The following CRIP3 variants were observed in gnomAD, a reference collection of about 807,000 sequenced individuals.
CRIP3 encodes cysteine-rich protein 3.
CRIP3 carries 23 observed loss-of-function variants against 30.3 expected under a neutral mutation model. The observed-to-expected ratio is 0.76, with a 90% confidence interval of 0.55 to 1.08. The LOEUF (loss-of-function observed/expected upper bound fraction) is 1.08. Ranked by LOEUF, CRIP3 falls within the 50% of genes least tolerant of loss-of-function variation. CRIP3 has a pLI of 0.00. For missense variants in CRIP3, 261 were observed against 259.3 expected, an observed-to-expected ratio of 1.01 and a Z score of -0.04; for synonymous variants, 89 against 97.6, an observed-to-expected ratio of 0.91 and a Z score of 0.52.
In CRIP3 at chr6:43,308,367, C is replaced by A. The variant is rs200185512; in HGVS notation, c.86G>T (p.Cys29Phe). Residue 29 changes from cysteine to phenylalanine, a missense_variant, in exon 2 of 8, where the codon TGC becomes TTC. Coordinates refer to ENST00000372569, the MANE Select transcript of CRIP3 (RefSeq NM_206922.3). ...GCTGTGGCAGCGCTCACATTTCAGG[C>A]AGAAGCGGTGCCAGTTCTTGCCCAG... is the stretch of plus-strand genomic sequence containing the variant. ...SSLGKNWHRF[C>F]LKCERCHSIL... 181 of 1,612,668 alleles carry A rather than the reference C, an allele frequency of 1.1e-4. No individual in the cohort carries two copies. Among genetic ancestry groups the A allele is most frequent in the Middle Eastern group, 8.2e-4 (5 of 6,082 alleles).
chr6:43,306,421 C>T (rs369154404), intron 5 of CRIP3, 25 bp downstream of exon 5: 1 of 1,609,622 alleles, frequency 6.2e-7, no homozygotes, highest in African/African-American at 1.3e-5. Flanking sequence ...GTATCCCCCT[C>T]CCCAAGTTTT....
In CRIP3 at chr6:43,308,823, C is replaced by A. The variant is rs1411974125; in HGVS notation, c.-31G>T. ...CGCTCCAGGCAGCGCACGCGGCACA[C>A]AGTAGGTACGCCGCTGCGGCTCAGT... On this transcript the variant is annotated 5_prime_UTR_variant, in exon 1 of 8. Transcript: ENST00000372569. The A allele has an allele frequency of 6.2e-7, 1 of 1,613,536 alleles. No homozygotes were observed.
chr6:43,308,706 T>C, intron 1 of CRIP3, 44 bp downstream of exon 1: 1 of 1,612,210 alleles, frequency 6.2e-7, no homozygotes. Flanking sequence ...ATCCAGCGGC[T>C]CCCATTCGCC....
intron 2 of CRIP3, 75 bp downstream of exon 2, chr6:43,308,240 T>C: frequency 7.5e-7 from 1 of 1,329,328 alleles, no homozygotes; most frequent in Non-Finnish European, 1.0e-6. Context: ...CCTCCAGTGC[T>C]GAAGTTGGGG....
intron 5 of CRIP3, 64 bp downstream of exon 5, chr6:43,306,382 T>A (rs1422039383): frequency 1.9e-6 from 3 of 1,606,630 alleles, no homozygotes; most frequent in Non-Finnish European, 2.6e-6. Flanking sequence ...CTGCCTTGGA[T>A]CACCTCCCTC....
intron 1 of CRIP3, 144 bp from the exon 2 acceptor site, chr6:43,308,553 G>T: frequency 2.2e-6 from 2 of 915,170 alleles, no homozygotes; most frequent in Middle Eastern, 2.2e-4. Flanking sequence ...GCTCCATCCC[G>T]CTCCGGTTTC....
In CRIP3 at chr6:43,308,750, C is replaced by G. The variant is rs765151010; in HGVS notation, c.43G>C (p.Ala15Pro). 3.7e-6 allele frequency: 6 copies of G among 1,613,920 alleles called. No homozygotes were observed. Among genetic ancestry groups the G allele is most frequent in the East Asian group, 4.5e-5 (2 of 44,874 alleles). Residue 15 changes from alanine to proline, a missense_variant and splice_region_variant, in exon 1 of 8, where the codon GCT (alanine) becomes CCT (proline). Physicochemically the swap from Ala to Pro is conservative, Grantham distance 27 (BLOSUM62 -1). Transcript: ENST00000372569. ...TCCCCCTCCGCAGCCCGGGCCTCAC[C>G]GAAGAAAACAGGTTGCTGGCAACGC... Reference protein sequence around the residue: ...CPRCQQPVFFAEKVSSLGKNW... With the variant: ...CPRCQQPVFFPEKVSSLGKNW...
chr6:43,307,790 C>A, intron 3 of CRIP3, 47 bp from the exon 4 acceptor site: 1 of 1,609,786 alleles, frequency 6.2e-7, no homozygotes, highest in Non-Finnish European at 8.5e-7. Context: ...CAGCTCCCAG[C>A]CACAAGGAGG....
intron 4 of CRIP3, 44 bp from the exon 5 acceptor site, chr6:43,306,561 C>T (rs1339374198): frequency 6.9e-7 from 1 of 1,442,792 alleles, no homozygotes; most frequent in Non-Finnish European, 9.5e-7. Flanking sequence ...GGTGGAGATG[C>T]CCACCAGCAC....
Position 43,306,324 on chromosome 6 carries a change from A to G in CRIP3, c.401-11T>C. On this transcript the variant is annotated splice_polypyrimidine_tract_variant and intron_variant, in intron 5 of 7. Coordinates refer to ENST00000372569, the MANE Select transcript of CRIP3 (RefSeq NM_206922.3). ...ACATCACCTTCTCAGCTGGTGGTGG[A>G]AAGAAGTGGTAATGCTTCCATTCTA... is the stretch of plus-strand genomic sequence containing the variant. 6.2e-7 allele frequency: 1 copy of G among 1,613,932 alleles called. No individual in the cohort carries two copies. The highest frequency in any genetic ancestry group is 1.3e-5 in the African/African-American group (1 of 75,020).
chr6:43,308,299 C>T lies in CRIP3; in HGVS notation c.138+16G>A, dbSNP rs973679843. On this transcript the variant is annotated intron_variant, in intron 2 of 7. Transcript: ENST00000372569. ...CAGTGATGTAAACAGGGCAGTGCTC[C>T]CTGGCCAGGTCTTACCTCTGCATGC... is the stretch of plus-strand genomic sequence containing the variant. 1 of 1,599,722 alleles carries T rather than the reference C, an allele frequency of 6.3e-7. No homozygotes were observed. Among genetic ancestry groups the T allele is most frequent in the Admixed American group, 1.7e-5 (1 of 58,618 alleles).
chr6:43,306,317 G>A lies in CRIP3; in HGVS notation c.401-4C>T. ...CCTAATGACATCACCTTCTCAGCTG[G>A]TGGTGGAAAGAAGTGGTAATGCTTC... On this transcript the variant is annotated splice_region_variant and splice_polypyrimidine_tract_variant and intron_variant, in intron 5 of 7. Transcript: ENST00000372569. 2 of 1,613,992 alleles carry A rather than the reference G, an allele frequency of 1.2e-6. No homozygotes were observed. Among genetic ancestry groups the A allele is most frequent in the South Asian group, 1.1e-5 (1 of 91,064 alleles).
In CRIP3 at chr6:43,307,650, G is replaced by A. The variant is rs1778974261; in HGVS notation, c.290C>T (p.Pro97Leu). 1.3e-6 allele frequency: 2 copies of A among 1,495,842 alleles called. No individual in the cohort carries two copies. The highest frequency in any genetic ancestry group is 1.8e-6 in the Non-Finnish European group (2 of 1,119,778). 92.7% of individuals were successfully genotyped at this position (1,495,842 alleles called of 1,614,324 possible). ...TTPLSPSSFS[P>L]PRPRTGLPQG... ...GGGGAGGCCAGTCCTTGGCCTGGGA[G>A]GGCTGAAGCTGCTGGGGCTGAGAGG... Residue 97 changes from proline to leucine, a missense_variant, in exon 4 of 8, where the codon CCT becomes CTT. By Grantham distance (98) the Pro-to-Leu change is moderately conservative. Coordinates refer to ENST00000372569, the MANE Select transcript of CRIP3 (RefSeq NM_206922.3).
rs375441271 is a variant in CRIP3 at position 43,308,782 on chromosome 6, G to A, written c.11C>T (p.Thr4Ile). 6.2e-7 allele frequency: 1 copy of A among 1,613,962 alleles called. No individual in the cohort carries two copies. The highest frequency in any genetic ancestry group is 8.5e-7 in the Non-Finnish European group (1 of 1,180,010). The change falls in exon 1 of 8, where the codon ACC becomes ATC. Residue 4 changes from threonine to isoleucine, a missense_variant. By Grantham distance (89) the Thr-to-Ile change is moderately conservative. Transcript: ENST00000372569. ...AACAGGTTGCTGGCAACGCGGACAG[G>A]TCCAGCTCATAGCTCCGCTCCAGGC... MSWTCPRCQQPVFF... is the reference protein window; with the variant it reads MSWICPRCQQPVFF...
In CRIP3 at chr6:43,307,718, G is replaced by A; in HGVS notation, c.222C>T (p.Ser74=). 1 of 1,576,134 alleles carries A rather than the reference G, an allele frequency of 6.3e-7. No homozygotes were observed. ...TGGGAGTGGGGGGATTGTACAAGTA[G>A]GAGCCTACACCACCAATGTTCACCC... ...PRGVNIGGVG[S]YLYNPPTPSP... is the part of the protein sequence containing the mutation. The change falls in exon 4 of 8, where the codon TCC becomes TCT. Residue 74 remains serine, a synonymous_variant. Coordinates refer to ENST00000372569, the MANE Select transcript of CRIP3 (RefSeq NM_206922.3).
Position 43,308,323 on chromosome 6 carries a change from G to A in CRIP3, c.130C>T (p.His44Tyr). 3 of 1,612,418 alleles carry A rather than the reference G, an allele frequency of 1.9e-6. No homozygotes were observed. The highest frequency in any genetic ancestry group is 2.2e-5 in the East Asian group (1 of 44,820). The change falls in exon 2 of 8, where the codon CAT becomes TAT. Residue 44 changes from histidine to tyrosine, a missense_variant. Physicochemically the swap from His to Tyr is moderately conservative, Grantham distance 83. Transcript: ENST00000372569. The part of the protein sequence containing the change: ...RCHSILSPGG[H>Y]AEHNGRPYCH... Reference sequence around the variant, plus strand: ...CCCTGGCCAGGTCTTACCTCTGCATGCCCGCCAGGGGACAGGATGCTGTGG... The same window carrying A: ...CCCTGGCCAGGTCTTACCTCTGCATACCCGCCAGGGGACAGGATGCTGTGG...
rs878950530 is a variant in CRIP3, at chr6:43,308,295, G to C, written c.138+20C>G. 4 of 1,589,140 alleles carry C rather than the reference G, an allele frequency of 2.5e-6. No individual in the cohort carries two copies. The South Asian group carries it at 4.5e-5, about 18-fold the overall frequency. On this transcript the variant is annotated intron_variant, in intron 2 of 7. Coordinates refer to ENST00000372569, the MANE Select transcript of CRIP3 (RefSeq NM_206922.3). ...GAGGCAGTGATGTAAACAGGGCAGTGCTCCCTGGCCAGGTCTTACCTCTGC... is the reference window on the plus strand; with the variant it reads ...GAGGCAGTGATGTAAACAGGGCAGTCCTCCCTGGCCAGGTCTTACCTCTGC...
intron 1 of CRIP3, 29 bp downstream of exon 1, chr6:43,308,721 C>T (rs375500667): frequency 2.5e-6 from 4 of 1,613,750 alleles, no homozygotes; most frequent in African/African-American, 1.3e-5. Context: ...TTCGCCCCAT[C>T]TTCTCCCCCT....
Position 43,305,593 on chromosome 6 carries a change from T to A in CRIP3, c.*221A>T, listed in dbSNP as rs1252135186. On this transcript the variant is annotated 3_prime_UTR_variant, in exon 8 of 8. Transcript: ENST00000372569. ...GGGGTTGTGATGGCCAGGAGGAGGA[T>A]ACCCTTCAAAACGGGCTGTTCCCTA... The A allele has an allele frequency of 2.8e-5, 17 of 608,962 alleles. No individual in the cohort carries two copies. The East Asian group carries it at 2.8e-4, about 10-fold the overall frequency. 37.7% of individuals were successfully genotyped at this position (608,962 alleles called of 1,614,324 possible).
Sources: allele counts gnomAD v4.1 joint callset, GRCh38; gene constraint gnomAD v4.1.1; transcripts MANE v1.5; gene names NCBI Gene and HGNC (gene_info 2026-07-23, HGNC 2026-07-21).